AGMO: variants seen among roughly 807,000 people sequenced by gnomAD.
AGMO encodes alkylglycerol monooxygenase, also known as glyceryl-ether monooxygenase.
Under a neutral mutation model 60.2 loss-of-function variants are expected in AGMO, and 75 were observed. That is an observed-to-expected ratio of 1.25 (90% CI 1.03 to 1.51). The LOEUF is 1.51. Ranked by LOEUF, AGMO falls within the 40% of genes most tolerant of loss-of-function variation. The pLI is 0.00. For missense variants in AGMO, 763 were observed against 525.5 expected, an observed-to-expected ratio of 1.45 and a Z score of -4.42; for synonymous variants, 261 against 177.1, an observed-to-expected ratio of 1.47 and a Z score of -3.76.
chr7:15,124,629 T>G, the AGMO span, among the ~76,000 whole-genome samples: 3 of 152,116 alleles, frequency 2.0e-5, no homozygotes, highest in African/African-American at 7.2e-5. Flanking sequence ...AGAGATGGTG[T>G]TGTCCTCCTC....
chr7:15,495,819 ACTCTCT>A (rs779052709), intron 3 of AGMO, among the ~76,000 whole-genome samples: 4 of 139,620 alleles, frequency 2.9e-5, no homozygotes, highest in South Asian at 4.7e-4. Flanking sequence ...GGGGATGGAG[ACTCTCT>A]CTCTCTCTCT....
At chr7:15,329,445 A>T (rs1781437172) in intron 12 of AGMO, among the ~76,000 whole-genome samples, 1 of 152,194 alleles carries the variant, frequency 6.6e-6, no homozygotes, top group African/African-American at 2.4e-5. Flanking sequence ...GGACATGACA[A>T]GAAATTGTCT....
At chr7:15,356,031 A>C (rs2128556775) in intron 12 of AGMO, among the ~76,000 whole-genome samples, 1 of 152,338 alleles carries the variant, frequency 6.6e-6, no homozygotes, top group Non-Finnish European at 1.5e-5. Context: ...ACAATCAGAT[A>C]CTACTTAATT....
At chr7:15,360,255 T>C (rs1390677517) in intron 12 of AGMO, among the ~76,000 whole-genome samples, 3 of 152,154 alleles carry the variant, frequency 2.0e-5, no homozygotes, top group Non-Finnish European at 4.4e-5. Flanking sequence ...AACTACAAGC[T>C]TCAAAGGAAG....
intron 12 of AGMO, among the ~76,000 whole-genome samples, chr7:15,319,010 A>T (rs1781025747): frequency 6.6e-6 from 1 of 151,898 alleles, no homozygotes; most frequent in Non-Finnish European, 1.5e-5. Context: ...CTCCTTCTTT[A>T]TTCTAAAGTT....
chr7:15,386,427 T>G (rs892186468), intron 9 of AGMO, among the ~76,000 whole-genome samples: 1 of 152,164 alleles, frequency 6.6e-6, no homozygotes, highest in African/African-American at 2.4e-5. Flanking sequence ...GAGTTATCTA[T>G]TGACAAAATG....
chr7:15,488,645 G>T (rs112531186), intron 3 of AGMO, among the ~76,000 whole-genome samples: 17 of 152,188 alleles, frequency 1.1e-4, no homozygotes, highest in African/African-American at 4.1e-4. Context: ...AAACGACAAA[G>T]TACTTAATAG....
At chr7:15,443,093 A>T (rs1177907062) in intron 3 of AGMO, among the ~76,000 whole-genome samples, 2 of 152,124 alleles carry the variant, frequency 1.3e-5, no homozygotes, top group African/African-American at 4.8e-5. Flanking sequence ...AAAACCTTGC[A>T]CTCATTGTCC....
the AGMO span, among the ~76,000 whole-genome samples, chr7:15,169,877 G>A: frequency 1.3e-5 from 2 of 152,204 alleles, no homozygotes. Flanking sequence ...TGAGGAACGT[G>A]ACTCTATTGC....
chr7:15,325,922 G>A (rs1781326417), intron 12 of AGMO, among the ~76,000 whole-genome samples: 1 of 150,656 alleles, frequency 6.6e-6, no homozygotes, highest in Admixed American at 6.6e-5. Context: ...GGAAGAAGAC[G>A]GAGGAGGAGG....
intron 9 of AGMO, among the ~76,000 whole-genome samples, chr7:15,387,179 A>G (rs909300364): frequency 1.3e-5 from 2 of 152,202 alleles, no homozygotes; most frequent in South Asian, 2.1e-4. Context: ...CTGCTCCACA[A>G]TCTGTGCTCC....
At chr7:15,153,442 C>T in the AGMO span, among the ~76,000 whole-genome samples, 1 of 152,082 alleles carries the variant, frequency 6.6e-6, no homozygotes, top group Admixed American at 6.5e-5. Flanking sequence ...AGGGTTTTTC[C>T]AATGTTATCT....
At chr7:15,160,781 C>A in the AGMO span, among the ~76,000 whole-genome samples, 1 of 152,140 alleles carries the variant, frequency 6.6e-6, no homozygotes, top group South Asian at 2.1e-4. Context: ...GCTAGTATAA[C>A]TATTGCTGTG....
chr7:15,452,604 G>A (rs192632270), intron 3 of AGMO, among the ~76,000 whole-genome samples: 1 of 152,274 alleles, frequency 6.6e-6, no homozygotes, highest in Admixed American at 6.5e-5. Context: ...TGAGGATGTG[G>A]AGAAGTTAGA....
chr7:15,243,073 T>C (rs565897698), intron 12 of AGMO, among the ~76,000 whole-genome samples: 1 of 152,150 alleles, frequency 6.6e-6, no homozygotes, highest in African/African-American at 2.4e-5. Context: ...AATAATTGTA[T>C]ATGTGTTAAA....
intron 12 of AGMO, among the ~76,000 whole-genome samples, chr7:15,349,246 C>G (rs1188435309): frequency 2.0e-5 from 3 of 152,118 alleles, no homozygotes; most frequent in African/African-American, 7.2e-5. Flanking sequence ...TTTGGTATTT[C>G]AATATCCAAC....
At chr7:15,202,489 A>AAAAAAAAAC (rs1277846759) in intron 12 of AGMO, among the ~76,000 whole-genome samples, 7 of 132,050 alleles carry the variant, frequency 5.3e-5, no homozygotes, top group African/African-American at 1.2e-4. Context: ...AAAAAAAAAA[A>AAAAAAAAAC]CCCTCCCAAA....
intron 12 of AGMO, among the ~76,000 whole-genome samples, chr7:15,332,471 C>T (rs1781528186): frequency 6.6e-6 from 1 of 152,116 alleles, no homozygotes. Flanking sequence ...ATCAACTTTT[C>T]TCTGTTCTAA....
In AGMO at chr7:15,236,165, G is replaced by T. The variant is rs538760563; in HGVS notation, c.1264-34806C>A. Among the ~76,000 whole-genome samples the T allele has an allele frequency of 2.6e-5, 4 of 152,084 alleles. No homozygotes were observed. In the South Asian group the frequency reaches 8.3e-4, roughly 32 times the overall value. Reference sequence around the variant, plus strand: ...TCATGTATAAAGATTTAAAGACATTGCAATGATTCTGTAACTGAAGGCAAT... The same window carrying T: ...TCATGTATAAAGATTTAAAGACATTTCAATGATTCTGTAACTGAAGGCAAT... On this transcript the variant is annotated intron_variant, in intron 12 of 12. Coordinates refer to ENST00000342526, the MANE Select transcript of AGMO (RefSeq NM_001004320.2).
Sources: allele counts gnomAD v4.1 joint callset (sites outside exome capture counted in the v4.1 genomes callset), GRCh38; gene constraint gnomAD v4.1.1; transcripts MANE v1.5; gene names NCBI Gene and HGNC (gene_info 2026-07-23, HGNC 2026-07-21).